CFAP54: variants seen among roughly 807,000 people sequenced by gnomAD.
CFAP54 encodes cilia- and flagella-associated protein 54.
Under a neutral mutation model 370.4 loss-of-function variants are expected in CFAP54, and 290 were observed. That is an observed-to-expected ratio of 0.78 (90% CI 0.71 to 0.86). The LOEUF (loss-of-function observed/expected upper bound fraction) is 0.86. CFAP54 is among the 40% of genes least tolerant of loss of function. The pLI is 0.00. For missense variants in CFAP54, 3,399 were observed against 3,528.7 expected (o/e 0.96, Z 0.93); for synonymous variants, 1,206 against 1,236.5 (o/e 0.98, Z 0.52).
intron 66 of CFAP54, among the ~76,000 whole-genome samples, chr12:96,835,082 C>G (rs1267373327): frequency 6.6e-6 from 1 of 152,082 alleles, no homozygotes; most frequent in Non-Finnish European, 1.5e-5. Flanking sequence ...GGTTGCTCCT[C>G]TCTGTAGGCA....
intron 26 of CFAP54, among the ~76,000 whole-genome samples, 155 bp from the exon 27 acceptor site, chr12:96,621,435 G>T (rs530407626): frequency 1.4e-5 from 2 of 141,766 alleles, no homozygotes; most frequent in African/African-American, 5.2e-5. Context: ...GTGTTAATAC[G>T]ATCTGGAGGT....
At chr12:96,490,410 C>G (rs1461428521) in intron 1 of CFAP54, among the ~76,000 whole-genome samples, 2 of 152,218 alleles carry the variant, frequency 1.3e-5, no homozygotes, top group African/African-American at 4.8e-5. Context: ...GTATCAAGAG[C>G]TAGCTTCATG....
At chr12:96,742,901 C>T (rs966666560) in intron 52 of CFAP54, among the ~76,000 whole-genome samples, 11 of 152,174 alleles carry the variant, frequency 7.2e-5, no homozygotes, top group South Asian at 2.1e-4. Flanking sequence ...GGAGCCAACC[C>T]ACTTGGGTTC....
intron 62 of CFAP54, among the ~76,000 whole-genome samples, chr12:96,790,301 T>C (rs1171916009): frequency 6.6e-6 from 1 of 151,842 alleles, no homozygotes; most frequent in Non-Finnish European, 1.5e-5. Context: ...AAACCAAGGT[T>C]CTCCTGGTAG....
At chr12:96,568,358 T>A (rs2136414288) in intron 19 of CFAP54, among the ~76,000 whole-genome samples, 1 of 152,228 alleles carries the variant, frequency 6.6e-6, no homozygotes. Context: ...AGAGGCTCTA[T>A]TTTTTATGAG....
intron 4 of CFAP54, among the ~76,000 whole-genome samples, chr12:96,511,248 ATTATGC>A (rs2136357618): frequency 6.6e-6 from 1 of 152,230 alleles, no homozygotes; most frequent in East Asian, 1.9e-4. Context: ...ATTGATGTTT[ATTATGC>A]TTATAGTTGT....
chr12:96,548,990 G>A (rs570784842), intron 15 of CFAP54, among the ~76,000 whole-genome samples: 1 of 152,218 alleles, frequency 6.6e-6, no homozygotes, highest in Admixed American at 6.5e-5. Flanking sequence ...GAGTAGCTGA[G>A]ACTACAGGCA....
chr12:96,746,238 A>G (rs1489273201), intron 55 of CFAP54, among the ~76,000 whole-genome samples: 2 of 152,268 alleles, frequency 1.3e-5, no homozygotes, highest in East Asian at 3.9e-4. Flanking sequence ...TCCACCAGTA[A>G]AAAAATAAAC....
intron 34 of CFAP54, among the ~76,000 whole-genome samples, chr12:96,649,100 A>T (rs1006067494): frequency 6.6e-6 from 1 of 152,152 alleles, no homozygotes; most frequent in Non-Finnish European, 1.5e-5. Flanking sequence ...GTGCTATGGG[A>T]TTTATTGCCA....
chr12:96,691,231 A>G lies in CFAP54; in HGVS notation c.6185A>G (p.Tyr2062Cys). 1.2e-6 allele frequency: 2 copies of G among 1,613,352 alleles called. No homozygotes were observed. The highest frequency in any genetic ancestry group is 1.7e-6 in the Non-Finnish European group (2 of 1,179,650). Residue 2062 changes from tyrosine to cysteine, a missense_variant, in exon 44 of 68, where the codon TAC becomes TGC. By Grantham distance (194) the Tyr-to-Cys change is radical. Transcript: ENST00000524981. ...LPGIELFSDR[Y>C]RADICSVIAS... is the part of the protein sequence containing the mutation. Reference sequence around the variant, plus strand: ...GGCATTGAACTCTTCTCAGATAGATACAGGGCTGACATTTGCTCTGTAATT... The same window carrying G: ...GGCATTGAACTCTTCTCAGATAGATGCAGGGCTGACATTTGCTCTGTAATT...
chr12:96,765,268 T>C (rs1309310301), intron 60 of CFAP54, 50 bp downstream of exon 60: 3 of 1,364,018 alleles, frequency 2.2e-6, no homozygotes, highest in Admixed American at 2.2e-5. Context: ...ATATGTAATA[T>C]AGAATCAAGT....
chr12:96,576,942 T>C (rs753557011), intron 20 of CFAP54, among the ~76,000 whole-genome samples, 181 bp downstream of exon 20: 6 of 152,246 alleles, frequency 3.9e-5, no homozygotes, highest in Non-Finnish European at 5.9e-5. Flanking sequence ...TTGCCCCTTA[T>C]GCTGTTATAT....
chr12:96,636,000 G>C (rs1274232048), intron 32 of CFAP54, among the ~76,000 whole-genome samples: 1 of 152,112 alleles, frequency 6.6e-6, no homozygotes, highest in Non-Finnish European at 1.5e-5. Context: ...CCAGGAGGTG[G>C]GAGGGGTGGG....
At chr12:96,823,196 A>G (rs1238724153) in intron 65 of CFAP54, among the ~76,000 whole-genome samples, 1 of 152,118 alleles carries the variant, frequency 6.6e-6, no homozygotes, top group Non-Finnish European at 1.5e-5. Flanking sequence ...GCTTGCTTAA[A>G]TAGCTCACAC....
chr12:96,604,040 T>G (rs1956273756), intron 26 of CFAP54, among the ~76,000 whole-genome samples: 1 of 152,240 alleles, frequency 6.6e-6, no homozygotes, highest in South Asian at 2.1e-4. Context: ...AGGCGTTCTG[T>G]TTTTTGGAAT....
At chr12:96,573,661 G>A (rs1955947556) in intron 19 of CFAP54, among the ~76,000 whole-genome samples, 1 of 152,140 alleles carries the variant, frequency 6.6e-6, no homozygotes, top group Non-Finnish European at 1.5e-5. Flanking sequence ...TTAAAAATTA[G>A]TTTGGTTGAA....
chr12:96,826,685 T>G (rs1415174967), intron 65 of CFAP54, among the ~76,000 whole-genome samples: 1 of 109,636 alleles, frequency 9.1e-6, no homozygotes, highest in African/African-American at 3.8e-5. Context: ...ATATATAATA[T>G]ATTACATATT....
At position 96,784,801 on chromosome 12, in the gene CFAP54, A is replaced by C. The variant is rs774475237; in HGVS notation, c.8366A>C (p.Lys2789Thr). ...DVCDSADGRKKTQTKVDITWI... is the reference protein window; with the variant it reads ...DVCDSADGRKTTQTKVDITWI... ...TGTGACAGCGCAGATGGTAGAAAAA[A>C]GACTCAGACCAAAGTGGATATTACA... Residue 2789 changes from lysine to threonine, a missense_variant, in exon 61 of 68, where the codon AAG becomes ACG. Physicochemically the swap from Lys to Thr is moderately conservative, Grantham distance 78 (BLOSUM62 -1). Around this residue, in one of 3 missense-constraint regions of CFAP54, gnomAD observed 2,796 missense variants for 2,869.7 expected, o/e 0.97. Transcript: ENST00000524981. 1 of 1,534,768 alleles carries C rather than the reference A, an allele frequency of 6.5e-7. No homozygotes were observed. Among genetic ancestry groups the C allele is most frequent in the Non-Finnish European group, 8.7e-7 (1 of 1,145,944 alleles).
At chr12:96,573,484 C>G (rs931596233) in intron 19 of CFAP54, among the ~76,000 whole-genome samples, 2 of 152,038 alleles carry the variant, frequency 1.3e-5, no homozygotes, top group African/African-American at 2.4e-5. Context: ...CTCAGGGAGC[C>G]AAAGCTGCTC....
Sources: gnomAD v4.1 joint callset for allele counts (sites outside exome capture counted in the v4.1 genomes callset) on GRCh38, gnomAD v4.1.1 for gene constraint, gnomAD v4.1.1 regional missense constraint, MANE v1.5 for transcripts, NCBI Gene and HGNC (gene_info 2026-07-23, HGNC 2026-07-21) for gene names.